COL24A1: variants seen among roughly 807,000 people sequenced by gnomAD.
COL24A1 encodes the protein collagen alpha-1(XXIV) chain.
Under a neutral mutation model 253.9 loss-of-function variants are expected in COL24A1, and 224 were observed. The observed-to-expected ratio is 0.88, with a 90% CI of 0.79 to 0.99. COL24A1 has a LOEUF of 0.99. COL24A1 is among the 50% of genes least tolerant of loss of function. The pLI, the probability that COL24A1 is intolerant of heterozygous loss-of-function variation, is 0.00. For synonymous variants in COL24A1, 685 were observed against 673.7 expected, an observed-to-expected ratio of 1.02 and a Z score of -0.26; for missense variants, 2,131 against 2,068.5, an observed-to-expected ratio of 1.03 and a Z score of -0.59.
At chr1:85,796,828 T>G (rs1200872888) in intron 47 of COL24A1, among the ~76,000 whole-genome samples, 1 of 152,196 alleles carries the variant, frequency 6.6e-6, no homozygotes, top group African/African-American at 2.4e-5. Flanking sequence ...ATTTTATAAA[T>G]GCTGCTTAAG....
rs1692149696 is a variant in COL24A1 at position 85,971,358 on chromosome 1, A to G, written c.2400T>C (p.Pro800=). Residue 800 remains proline (P), a synonymous_variant, in exon 21 of 60, where the codon CCT becomes CCC. Coordinates refer to ENST00000370571, the MANE Select transcript of COL24A1 (RefSeq NM_152890.7). ...TCCATACCTGAGTTCCTTTGAGACC[A>G]GGAGGTCCAGGAGGTCCTCTATTTC... ...LLGNRGPPGP[P]GLKGTQGEEG... 3 of 1,612,468 alleles carry G rather than the reference A, an allele frequency of 1.9e-6. No homozygotes were observed. In the Admixed American group the frequency reaches 5.0e-5, roughly 27 times the overall value.
At chr1:85,778,023 C>CTCTGTCTATCTA (rs1553173099) in intron 52 of COL24A1, among the ~76,000 whole-genome samples, 36 of 149,246 alleles carry the variant, frequency 2.4e-4, no homozygotes, top group Admixed American at 1.6e-3. Context: ...ATGTCTCTAT[C>CTCTGTCTATCTA]TCTATCTATC....
intron 43 of COL24A1, among the ~76,000 whole-genome samples, chr1:85,831,918 C>A (rs10873723): frequency 0.33 from 49,399 of 151,844 alleles, 9,431 homozygotes; most frequent in Non-Finnish European, 0.43. Flanking sequence ...TGTGCAGAAG[C>A]TCTTTAGTTT....
At chr1:85,926,804 C>T (rs1207647863) in intron 24 of COL24A1, among the ~76,000 whole-genome samples, 1 of 151,508 alleles carries the variant, frequency 6.6e-6, no homozygotes, top group Non-Finnish European at 1.5e-5. Flanking sequence ...TACCCTAGAA[C>T]TTAAAGTATA....
intron 25 of COL24A1, 53 bp from the exon 26 acceptor site, chr1:85,910,056 T>C (rs1270436138): frequency 6.4e-6 from 9 of 1,413,020 alleles, no homozygotes; most frequent in African/African-American, 1.4e-5. Flanking sequence ...TAATTAGTCA[T>C]GACTGAGCTA....
At chr1:86,092,126 C>G (rs1342094277) in intron 6 of COL24A1, 141 bp downstream of exon 6, 3,883 of 487,272 alleles carry the variant, frequency 8.0e-3, no homozygotes, top group East Asian at 0.012. Context: ...TCAAATAGTT[C>G]TTCCTTCATT....
At chr1:86,067,202 C>T (rs1001716602) in intron 7 of COL24A1, among the ~76,000 whole-genome samples, 12 of 151,700 alleles carry the variant, frequency 7.9e-5, no homozygotes, top group East Asian at 3.9e-4. Context: ...GAAGAATTCA[C>T]GTAAGGTCAG....
At chr1:85,803,394 C>T (rs1024703119) in intron 47 of COL24A1, among the ~76,000 whole-genome samples, 1 of 147,176 alleles carries the variant, frequency 6.8e-6, no homozygotes, top group Non-Finnish European at 1.5e-5. Context: ...CATGACACTG[C>T]ACTCCAGCCT....
chr1:86,042,362 G>T (rs1342807804), intron 12 of COL24A1, among the ~76,000 whole-genome samples: 1 of 151,840 alleles, frequency 6.6e-6, no homozygotes, highest in East Asian at 1.9e-4. Context: ...CAAACTAATG[G>T]CCCTTATTGA....
At chr1:86,134,685 C>G (rs112882570) in intron 2 of COL24A1, among the ~76,000 whole-genome samples, 17,467 of 128,228 alleles carry the variant, frequency 0.14, 1,450 homozygotes, top group South Asian at 0.2. Context: ...ATCCTGAGTT[C>G]TAGTTTGACT....
At chr1:85,824,381 T>G (rs1030492000) in intron 43 of COL24A1, among the ~76,000 whole-genome samples, 1 of 152,242 alleles carries the variant, frequency 6.6e-6, no homozygotes, top group Non-Finnish European at 1.5e-5. Context: ...CCACCCATTT[T>G]GTGGTAATTT....
chr1:85,970,671 A>G (rs1692069960), intron 21 of COL24A1, among the ~76,000 whole-genome samples: 1 of 152,198 alleles, frequency 6.6e-6, no homozygotes, highest in South Asian at 2.1e-4. Context: ...CCTCCCTAGA[A>G]TCATATAGTA....
chr1:85,841,375 T>A, intron 41 of COL24A1, 97 bp from the exon 42 acceptor site: 3 of 804,312 alleles, frequency 3.7e-6, no homozygotes, highest in Non-Finnish European at 5.8e-6. Flanking sequence ...GAAAATGCAG[T>A]TTGATGTTAT....
chr1:85,754,857 T>C (rs1570463127), intron 55 of COL24A1, among the ~76,000 whole-genome samples: 1 of 151,988 alleles, frequency 6.6e-6, no homozygotes, highest in Admixed American at 6.6e-5. Context: ...TATCAACATA[T>C]GCATGATGAG....
chr1:86,047,136 ATTTGT>A (rs1699967610), intron 11 of COL24A1, among the ~76,000 whole-genome samples: 3 of 152,254 alleles, frequency 2.0e-5, no homozygotes, highest in Non-Finnish European at 4.4e-5. Context: ...GGTGATAGCT[ATTTGT>A]CCAGAGACAG....
In COL24A1 at chr1:85,970,291, A is replaced by T. The variant is rs1692022007; in HGVS notation, c.2419-20T>A. ...TTCTCCCTTAAAAAAAAAAAAAGTC[A>T]GAACATATTATGGCCTAAAATGAGT... On this transcript the variant is annotated intron_variant, in intron 21 of 59. Transcript: ENST00000370571. 1.9e-6 allele frequency: 3 copies of T among 1,573,508 alleles called. No homozygotes were observed. In the East Asian group the frequency reaches 6.8e-5, roughly 36 times the overall value.
intron 19 of COL24A1, among the ~76,000 whole-genome samples, chr1:86,011,703 A>G (rs923561253): frequency 6.6e-6 from 1 of 152,200 alleles, no homozygotes; most frequent in African/African-American, 2.4e-5. Flanking sequence ...TCTCTGTGCC[A>G]CGCTTTGCTG....
At chr1:85,763,595 C>G (rs2785083) in intron 53 of COL24A1, among the ~76,000 whole-genome samples, 135,749 of 149,892 alleles carry the variant, frequency 0.91, 62,081 homozygotes, top group Non-Finnish European at 0.97. Flanking sequence ...AGGTTCAAGT[C>G]ATTCTCCTGC....
At chr1:86,156,288 T>G in intron 1 of COL24A1, 53 bp downstream of exon 1, 2 of 1,529,668 alleles carry the variant, frequency 1.3e-6, no homozygotes, top group Non-Finnish European at 1.8e-6. Flanking sequence ...AACCAGGGGG[T>G]GGAGAGAGGG....
Sources: allele counts gnomAD v4.1 joint callset (sites outside exome capture counted in the v4.1 genomes callset), GRCh38; gene constraint gnomAD v4.1.1; transcripts MANE v1.5; gene names NCBI Gene and HGNC (gene_info 2026-07-23, HGNC 2026-07-21).